Variants in PAX2 observed in about 807,000 individuals in gnomAD.
The protein encoded by PAX2 is paired box protein Pax-2.
Under a neutral mutation model 41.7 loss-of-function variants are expected in PAX2, and 9 were observed. The observed-to-expected ratio is 0.22, with a 90% confidence interval of 0.13 to 0.38. The LOEUF (loss-of-function observed/expected upper bound fraction) is 0.38, where lower values mean the gene tolerates loss of function less well. PAX2 is among the 10% of genes least tolerant of loss of function. The pLI, the probability that PAX2 is intolerant of heterozygous loss-of-function variation, is 1.00. For synonymous variants in PAX2, 221 were observed against 212.7 expected (o/e 1.04, Z -0.34); for missense variants, 418 against 531.6 (o/e 0.79, Z 2.10).
chr10:100,763,985 A>G (rs938403648), intron 3 of PAX2, among the ~76,000 whole-genome samples: 7 of 152,166 alleles, frequency 4.6e-5, no homozygotes, highest in Non-Finnish European at 1.0e-4. Context: ...GTGAGTCCAC[A>G]TAAACCAGCT....
At chr10:100,781,937 A>C (rs982139524) in intron 5 of PAX2, among the ~76,000 whole-genome samples, 1 of 152,176 alleles carries the variant, frequency 6.6e-6, no homozygotes, top group African/African-American at 2.4e-5. Flanking sequence ...CTCAAGGTGC[A>C]GCCAGGCTGT....
In PAX2 at chr10:100,827,953, CGCCAGCCACCCT is replaced by C; in HGVS notation, c.*338_*349del. Reference sequence around the variant, plus strand: ...CCTCCACCAAGCCAGCCCCGAAGCCCGCCAGCCACCCTGCCGGACTCGGGCGCGACCTGCTGG... The same window carrying C: ...CCTCCACCAAGCCAGCCCCGAAGCCCGCCGGACTCGGGCGCGACCTGCTGG... On this transcript the variant is annotated 3_prime_UTR_variant, in exon 10 of 10. Transcript: ENST00000355243. This position sits in a 1 kb window ranked among gnomAD's most constrained non-coding sequence, Gnocchi z 8.5. 1 of 320,822 alleles carries C rather than the reference CGCCAGCCACCCT, an allele frequency of 3.1e-6. No homozygotes were observed. The highest frequency in any genetic ancestry group is 5.6e-6 in the Non-Finnish European group (1 of 177,808). 19.9% of individuals were successfully genotyped at this position (320,822 alleles called of 1,614,324 possible). A position where few individuals can be genotyped will look rare whatever the true frequency, so the allele number is the denominator to read the frequency against.
chr10:100,763,992 A>G (rs1056847833), intron 3 of PAX2, among the ~76,000 whole-genome samples: 10 of 152,190 alleles, frequency 6.6e-5, no homozygotes, highest in Admixed American at 1.3e-4. Flanking sequence ...CACATAAACC[A>G]GCTTAGAATT....
At chr10:100,759,241 G>A (rs1448256131) in intron 3 of PAX2, among the ~76,000 whole-genome samples, 1 of 152,218 alleles carries the variant, frequency 6.6e-6, no homozygotes, top group Non-Finnish European at 1.5e-5. Context: ...GGGCCCAGAG[G>A]TGATGAAGGA....
chr10:100,785,366 T>C (rs1846804660), intron 5 of PAX2, among the ~76,000 whole-genome samples: 1 of 152,174 alleles, frequency 6.6e-6, no homozygotes, highest in African/African-American at 2.4e-5. Flanking sequence ...TGCTGGTCTG[T>C]GTGAGGGAGG....
At chr10:100,817,263 C>T (rs531633042) in intron 7 of PAX2, among the ~76,000 whole-genome samples, 1 of 152,322 alleles carries the variant, frequency 6.6e-6, no homozygotes, top group South Asian at 2.1e-4. Context: ...ATGTCTTCCC[C>T]TCTCTCTGAG....
At chr10:100,755,956 G>A (rs984065330) in intron 3 of PAX2, among the ~76,000 whole-genome samples, 10 of 152,122 alleles carry the variant, frequency 6.6e-5, no homozygotes, top group African/African-American at 2.4e-4. Context: ...TATTAGATGG[G>A]GAGTATTGTG....
Position 100,746,040 on chromosome 10 carries a change from G to C in PAX2, c.-221G>C. 1 of 1,447,816 alleles carries C rather than the reference G, an allele frequency of 6.9e-7. No individual in the cohort carries two copies. Among genetic ancestry groups the C allele is most frequent in the Non-Finnish European group, 9.0e-7 (1 of 1,108,130 alleles). The allele number at this position is 1,447,816 out of a possible 1,614,324, so 89.7% of individuals were successfully genotyped here. On this transcript the variant is annotated 5_prime_UTR_variant, in exon 1 of 10. Transcript: ENST00000355243. The stretch of plus-strand genomic sequence containing the variant: ...CGCCCAGCCCCGAGCCCCGACAGTG[G>C]CAAGTTGCGGCTACTGCAGTTGCAA...
At chr10:100,745,053 G>A (rs141387996), upstream of PAX2, among the ~76,000 whole-genome samples, 58 of 152,192 alleles carry the variant, frequency 3.8e-4, no homozygotes, top group African/African-American at 1.4e-3. Flanking sequence ...AGCCGAGGGT[G>A]GTGGGGTTGG....
rs1216646347 is a variant in PAX2 at position 100,829,022 on chromosome 10, G to C, written c.*1403G>C. ...GTGAGAGTCGCCGCTCGCTGGGGGGGAAGGGGGGGACACAGCTACACGCCC... is the reference window on the plus strand; with the variant it reads ...GTGAGAGTCGCCGCTCGCTGGGGGGCAAGGGGGGGACACAGCTACACGCCC... On this transcript the variant is annotated 3_prime_UTR_variant, in exon 10 of 10. Transcript: ENST00000355243. 4.4e-6 allele frequency: 1 copy of C among 225,876 alleles called. No individual in the cohort carries two copies. Among genetic ancestry groups the C allele is most frequent in the South Asian group, 1.8e-4 (1 of 5,446 alleles). 14.0% of individuals were successfully genotyped at this position (225,876 alleles called of 1,614,324 possible).
At chr10:100,822,497 C>T (rs2133980702) in intron 7 of PAX2, among the ~76,000 whole-genome samples, 1 of 152,270 alleles carries the variant, frequency 6.6e-6, no homozygotes, top group African/African-American at 2.4e-5. Context: ...GAGCATCTAC[C>T]ACGTTCTCAA....
At chr10:100,751,500 G>A (rs1023181518) in intron 3 of PAX2, among the ~76,000 whole-genome samples, 8 of 152,348 alleles carry the variant, frequency 5.3e-5, no homozygotes, top group African/African-American at 1.9e-4. Flanking sequence ...AGCAGGGAGG[G>A]AGAACTCCAG....
rs1236598040 is a variant in PAX2 at position 100,828,737 on chromosome 10, C to T, written c.*1118C>T. The T allele has an allele frequency of 4.3e-6, 1 of 233,554 alleles. No individual in the cohort carries two copies. The highest frequency in any genetic ancestry group is 2.2e-5 in the African/African-American group (1 of 45,340). 14.5% of individuals were successfully genotyped at this position (233,554 alleles called of 1,614,324 possible). On this transcript the variant is annotated 3_prime_UTR_variant, in exon 10 of 10. Transcript: ENST00000355243. The surrounding 1 kb of genome is among the most constrained non-coding windows in gnomAD (Gnocchi z 6.5). ...GGGCTGCCCACTCCACTCCTCCCAT[C>T]CCCTCCCAGCCTCCTCCTCCGGCAG... is the stretch of plus-strand genomic sequence containing the variant.
Position 100,826,477 on chromosome 10 carries a change from T to G in PAX2, c.1022-532T>G, listed in dbSNP as rs1210095555. Among the ~76,000 whole-genome samples the G allele has an allele frequency of 1.3e-5, 2 of 152,136 alleles. No individual in the cohort carries two copies. The highest frequency in any genetic ancestry group is 2.9e-5 in the Non-Finnish European group (2 of 68,020). ...CCGCGTAGCCCACGCATCCAACCTCTTGAGGGAAAGGCGGGAGGGCGGTGT... is the reference window on the plus strand; with the variant it reads ...CCGCGTAGCCCACGCATCCAACCTCGTGAGGGAAAGGCGGGAGGGCGGTGT... On this transcript the variant is annotated intron_variant, in intron 8 of 9. Transcript: ENST00000355243. This position sits in a 1 kb window ranked among gnomAD's most constrained non-coding sequence, Gnocchi z 5.5.
intron 5 of PAX2, among the ~76,000 whole-genome samples, chr10:100,785,375 G>A (rs1232895747): frequency 6.6e-6 from 1 of 152,182 alleles, no homozygotes; most frequent in African/African-American, 2.4e-5. Context: ...GTGTGAGGGA[G>A]GTGTGTTGGG....
At chr10:100,757,386 A>T (rs1017837304) in intron 3 of PAX2, among the ~76,000 whole-genome samples, 3 of 152,366 alleles carry the variant, frequency 2.0e-5, no homozygotes, top group African/African-American at 7.2e-5. Flanking sequence ...CAGTCTAGGC[A>T]AATTGGAGCC....
intron 6 of PAX2, 95 bp from the exon 7 acceptor site, chr10:100,809,015 G>A: frequency 8.6e-7 from 1 of 1,167,006 alleles, no homozygotes; most frequent in Non-Finnish European, 1.3e-6. Flanking sequence ...ACCCCATCTG[G>A]GCGGGCTCCC....
intron 3 of PAX2, among the ~76,000 whole-genome samples, chr10:100,752,289 G>T (rs1045110567): frequency 6.6e-6 from 1 of 152,234 alleles, no homozygotes; most frequent in East Asian, 1.9e-4. Context: ...GCTCAGCCAG[G>T]TATTGAAAGC....
chr10:100,796,060 C>T (rs1446353733), intron 5 of PAX2, among the ~76,000 whole-genome samples: 2 of 152,180 alleles, frequency 1.3e-5, no homozygotes, highest in Non-Finnish European at 2.9e-5. Flanking sequence ...TCATATCCAT[C>T]CTTGGTTATG....
Sources: allele counts gnomAD v4.1 joint callset (sites outside exome capture counted in the v4.1 genomes callset), GRCh38; gene constraint gnomAD v4.1.1; non-coding constraint Gnocchi (gnomAD v3.1); transcripts MANE v1.5; gene names NCBI Gene and HGNC (gene_info 2026-07-23, HGNC 2026-07-21).